The following S100Z variants were observed in gnomAD, a reference collection of about 807,000 sequenced individuals.
The protein encoded by S100Z is S100 calcium binding protein Z.
A neutral mutation model predicts 8.5 loss-of-function variants in S100Z; 11 were observed. That is an observed-to-expected ratio of 1.30 (90% confidence interval 0.82 to 2.15). The LOEUF (loss-of-function observed/expected upper bound fraction) is 2.15. Ranked by LOEUF, S100Z falls within the 30% of genes most tolerant of loss-of-function variation. The probability of loss-of-function intolerance (pLI) is 0.00; values close to 1 mark genes in which losing one functional copy is unlikely to be tolerated. For synonymous variants in S100Z, 34 were observed against 43.8 expected (o/e 0.78, Z 0.89); for missense variants, 126 against 117.9 (o/e 1.07, Z -0.32).
Position 76,864,323 on chromosome 5 carries a change from C to T in S100Z, c.-175-5843C>T, listed in dbSNP as rs1260423098. Among the ~76,000 whole-genome samples the T allele has an allele frequency of 2.7e-5, 4 of 146,364 alleles. No homozygotes were observed. In the East Asian group the frequency reaches 8.3e-4, roughly 30 times the overall value. On this transcript the variant is annotated intron_variant, in intron 1 of 4. Transcript: ENST00000317593. Reference sequence around the variant, plus strand: ...TTTCCAGTTGTATAAAAGTATAGAACATACAATTACACTACATGATACCTG... The same window carrying T: ...TTTCCAGTTGTATAAAAGTATAGAATATACAATTACACTACATGATACCTG...
At chr5:76,941,042 G>A in the S100Z span, among the ~76,000 whole-genome samples, 1 of 152,098 alleles carries the variant, frequency 6.6e-6, no homozygotes, top group Non-Finnish European at 1.5e-5. Flanking sequence ...TACAGTTCTT[G>A]CATTGCTGTA....
chr5:76,952,853 C>G, the S100Z span: 1 of 452,184 alleles, frequency 2.2e-6, no homozygotes, highest in Non-Finnish European at 4.0e-6. Context: ...GTTGTAGTGA[C>G]TGAAATCATT....
the S100Z span, among the ~76,000 whole-genome samples, chr5:76,928,753 G>A: frequency 3.9e-5 from 6 of 152,034 alleles, no homozygotes; most frequent in East Asian, 9.6e-4. Context: ...TTTTATTTTC[G>A]TTTTAGAGAT....
At chr5:76,882,038 A>G (rs1477136738) in intron 4 of S100Z, among the ~76,000 whole-genome samples, 2 of 152,224 alleles carry the variant, frequency 1.3e-5, no homozygotes, top group Non-Finnish European at 2.9e-5. Context: ...ATTTACAGTC[A>G]GTATAAATAT....
In S100Z at chr5:76,893,342, A is replaced by G. The variant is rs2078629; in HGVS notation, c.*2+15508A>G. Among the ~76,000 whole-genome samples, 1,369 of 152,190 alleles carry G rather than the reference A, an allele frequency of 9.0e-3. 14 individuals are homozygous for G. The highest frequency in any genetic ancestry group is 0.031 in the African/African-American group (1,297 of 41,530). ...AGGTCTGTGATGGGGTAGAAAGCAA[A>G]AGTTCAGCCTGGCCAACATGGCAAA... On this transcript the variant is annotated intron_variant, in intron 4 of 4. Coordinates refer to ENST00000317593, the MANE Select transcript of S100Z (RefSeq NM_130772.4).
intron 4 of S100Z, among the ~76,000 whole-genome samples, chr5:76,915,525 G>C (rs147047739): frequency 3.3e-5 from 5 of 151,784 alleles, no homozygotes; most frequent in East Asian, 1.9e-4. Flanking sequence ...GGAGAATGGC[G>C]TGAACCCGGG....
intron 4 of S100Z, among the ~76,000 whole-genome samples, chr5:76,912,090 G>GTCT: frequency 1.3e-5 from 1 of 78,086 alleles, no homozygotes; most frequent in African/African-American, 8.4e-5. Flanking sequence ...TTGCGGCGTT[G>GTCT]GCTTAGTGTC....
chr5:76,863,815 G>A (rs1039142778), intron 1 of S100Z, among the ~76,000 whole-genome samples: 5 of 152,222 alleles, frequency 3.3e-5, no homozygotes, highest in African/African-American at 7.2e-5. Flanking sequence ...TGGGATTACA[G>A]GTGTGAGCCA....
rs552954159 is a variant in S100Z, at chr5:76,910,718, A to T, written c.*3-9999A>T. ...CCTGGGGCAAGCGCCAGCTCATGTC[A>T]TCACCCTCACTGAGCCCTGGGGACA... is the stretch of plus-strand genomic sequence containing the variant. On this transcript the variant is annotated intron_variant, in intron 4 of 4. Coordinates refer to ENST00000317593, the MANE Select transcript of S100Z (RefSeq NM_130772.4). 5.3e-5 allele frequency among the ~76,000 whole-genome samples: 8 copies of T among 152,254 alleles called. No individual in the cohort carries two copies. In the South Asian group the frequency reaches 1.7e-3, roughly 32 times the overall value.
chr5:76,933,867 C>T, the S100Z span, among the ~76,000 whole-genome samples: 1 of 152,162 alleles, frequency 6.6e-6, no homozygotes, highest in African/African-American at 2.4e-5. Flanking sequence ...AAACTTTGTA[C>T]CCATTAAACA....
chr5:76,879,609 G>A (rs1580014158), intron 4 of S100Z, among the ~76,000 whole-genome samples: 1 of 152,188 alleles, frequency 6.6e-6, no homozygotes, highest in East Asian at 1.9e-4. Context: ...GGGGACTGGA[G>A]ATAGAGTTGG....
At chr5:76,915,266 C>A (rs1744817383) in intron 4 of S100Z, among the ~76,000 whole-genome samples, 1 of 141,930 alleles carries the variant, frequency 7.0e-6, no homozygotes, top group Admixed American at 7.7e-5. Flanking sequence ...GATTGTGCCA[C>A]TGTACTCCAG....
rs374979077 is a variant in S100Z at position 76,863,742 on chromosome 5, G to T, written c.-175-6424G>T. Among the ~76,000 whole-genome samples the T allele has an allele frequency of 8.4e-3, 1,270 of 152,080 alleles. 17 individuals carry two copies. Among genetic ancestry groups the T allele is most frequent in the African/African-American group, 0.029 (1,197 of 41,422 alleles). The stretch of plus-strand genomic sequence containing the variant: ...TTTAGTAGAGACGGGGTTTCACCGT[G>T]TTAGCCAGGATGGTCTCGATCTCCT... On this transcript the variant is annotated intron_variant, in intron 1 of 4. Coordinates refer to ENST00000317593, the MANE Select transcript of S100Z (RefSeq NM_130772.4).
rs1273715191 is a variant in S100Z, at chr5:76,865,931, C to G, written c.-175-4235C>G. On this transcript the variant is annotated intron_variant, in intron 1 of 4. Transcript: ENST00000317593. ...TCAGGAGGCTGAGGCAGGAGAATCACTTGAACCCGGGAAGCAGAGGTTGCA... is the reference window on the plus strand; with the variant it reads ...TCAGGAGGCTGAGGCAGGAGAATCAGTTGAACCCGGGAAGCAGAGGTTGCA... Among the ~76,000 whole-genome samples, 3 of 151,234 alleles carry G rather than the reference C, an allele frequency of 2.0e-5. No homozygotes were observed. The South Asian group carries it at 6.3e-4, about 32-fold the overall frequency.
At chr5:76,943,152 G>A in the S100Z span, among the ~76,000 whole-genome samples, 8 of 152,210 alleles carry the variant, frequency 5.3e-5, no homozygotes, top group South Asian at 1.0e-3. Context: ...GGCTGGAACC[G>A]GGTCACCTCT....
At chr5:76,925,779 T>C (rs573330234), downstream of S100Z, among the ~76,000 whole-genome samples, 34 of 152,104 alleles carry the variant, frequency 2.2e-4, no homozygotes, top group Non-Finnish European at 3.2e-4. Flanking sequence ...CTACCCTGGC[T>C]AACATGGTGA....
the S100Z span, among the ~76,000 whole-genome samples, chr5:76,935,089 A>C: frequency 6.6e-6 from 1 of 152,176 alleles, no homozygotes; most frequent in East Asian, 1.9e-4. Flanking sequence ...AAATGCTGCC[A>C]AAATGTAGCA....
intron 4 of S100Z, among the ~76,000 whole-genome samples, chr5:76,911,917 G>C (rs959589593): frequency 3.3e-5 from 5 of 152,178 alleles, no homozygotes; most frequent in African/African-American, 1.2e-4. Context: ...GATACAGAGG[G>C]ATAGCCAGGC....
In S100Z at chr5:76,888,365, G is replaced by GTTT. The variant is rs1235748706; in HGVS notation, c.*2+10532_*2+10533insTTT. 7.0e-3 allele frequency among the ~76,000 whole-genome samples: 585 copies of GTTT among 83,830 alleles called. 3 individuals carry two copies. The highest frequency in any genetic ancestry group is 0.01 in the Non-Finnish European group (408 of 39,962). The allele number at this position is 83,830 out of a possible 152,430, so 55.0% of individuals were successfully genotyped here. ...TTTTTTTTTTCCTGGGAAAGTGCTG[G>GTTT]TATTTTTTTTTTTTTTTTTTTTTTT... On this transcript the variant is annotated intron_variant, in intron 4 of 4. Coordinates refer to ENST00000317593, the MANE Select transcript of S100Z (RefSeq NM_130772.4).
Sources: allele counts gnomAD v4.1 joint callset (sites outside exome capture counted in the v4.1 genomes callset), GRCh38; gene constraint gnomAD v4.1.1; transcripts MANE v1.5; gene names NCBI Gene and HGNC (gene_info 2026-07-23, HGNC 2026-07-21).